ZNF536: variants seen among roughly 807,000 people sequenced by gnomAD.
The protein encoded by ZNF536 is zinc finger protein 536.
In ZNF536, 13 loss-of-function variants were observed where a neutral mutation model predicts 84.5. That is an observed-to-expected ratio of 0.15 (90% CI 0.10 to 0.24). The LOEUF is 0.24. Among genes scored for constraint, ZNF536 ranks in the 10% least tolerant of loss-of-function variants. ZNF536 has a pLI of 1.00. For missense variants in ZNF536, 1,536 were observed against 1,747.5 expected (o/e 0.88, Z 2.16); for synonymous variants, 811 against 742.5 (o/e 1.09, Z -1.50).
chr19:30,447,401 A>T (rs1445009582), intron 2 of ZNF536, among the ~76,000 whole-genome samples: 1 of 152,256 alleles, frequency 6.6e-6, no homozygotes, highest in Non-Finnish European at 1.5e-5. Flanking sequence ...TTGTTAAGAC[A>T]CATAAATCTG....
intron 1 of ZNF536, among the ~76,000 whole-genome samples, chr19:30,265,168 A>C (rs6510073): frequency 0.61 from 93,020 of 151,792 alleles, 30,551 homozygotes; most frequent in East Asian, 0.92. Context: ...TTATGTCCCT[A>C]GAAGACAGGG....
intron 2 of ZNF536, among the ~76,000 whole-genome samples, chr19:30,511,557 C>T (rs190912936): frequency 9.7e-4 from 147 of 152,208 alleles, no homozygotes; most frequent in African/African-American, 3.4e-3. Flanking sequence ...ATTGTGTCTG[C>T]GGCCATGGCA....
At chr19:30,692,551 A>T (rs1280085595) in intron 1 of ZNF536, among the ~76,000 whole-genome samples, 2 of 152,150 alleles carry the variant, frequency 1.3e-5, no homozygotes, top group Non-Finnish European at 2.9e-5. Flanking sequence ...GAAATCTCAA[A>T]TTTTCCTCTT....
chr19:30,441,925 G>A (rs2052068626), intron 1 of ZNF536, among the ~76,000 whole-genome samples: 1 of 152,302 alleles, frequency 6.6e-6, no homozygotes, highest in South Asian at 2.1e-4. Context: ...CCTGGCGGGA[G>A]GCCCAGCAAG....
rs546663746 is a variant in ZNF536 at position 30,272,498 on chromosome 19, G to T, written c.-189-11574G>T. On this transcript the variant is annotated intron_variant, in intron 1 of 5. Coordinates refer to the ZNF536 transcript ENST00000585628. ...GGACATTTTATGGGTTTTGACAACTGTATTATGACTTGTATCCATCATTAC... is the reference window on the plus strand; with the variant it reads ...GGACATTTTATGGGTTTTGACAACTTTATTATGACTTGTATCCATCATTAC... 1.3e-5 allele frequency among the ~76,000 whole-genome samples: 2 copies of T among 152,262 alleles called. 1 individual carries two copies. The highest frequency in any genetic ancestry group is 4.1e-4 in the South Asian group (2 of 4,830).
intron 2 of ZNF536, among the ~76,000 whole-genome samples, chr19:30,464,243 C>A (rs768753716): frequency 6.6e-6 from 1 of 152,090 alleles, no homozygotes; most frequent in Non-Finnish European, 1.5e-5. Context: ...AGGCCTGGGG[C>A]GATGGGGGTG....
chr19:30,304,658 T>G (rs940533050), intron 2 of ZNF536, among the ~76,000 whole-genome samples: 1 of 152,164 alleles, frequency 6.6e-6, no homozygotes, highest in Non-Finnish European at 1.5e-5. Flanking sequence ...TGAGGTGACC[T>G]GGTAGGGTCC....
chr19:30,355,338 A>G (rs2048058464), intron 3 of ZNF536, among the ~76,000 whole-genome samples: 1 of 152,072 alleles, frequency 6.6e-6, no homozygotes, highest in Non-Finnish European at 1.5e-5. Flanking sequence ...ACTCATCACC[A>G]ATGGGATGGT....
intron 1 of ZNF536, among the ~76,000 whole-genome samples, chr19:30,564,999 G>C (rs534367273): frequency 2.6e-5 from 4 of 152,084 alleles, no homozygotes; most frequent in African/African-American, 9.7e-5. Flanking sequence ...CTAGAGGGGC[G>C]GGTCCGTGCC....
chr19:30,670,066 C>T (rs1049765434), intron 1 of ZNF536, among the ~76,000 whole-genome samples: 1 of 152,180 alleles, frequency 6.6e-6, no homozygotes, highest in Non-Finnish European at 1.5e-5. Context: ...AGGGCGGGCC[C>T]GGGACTCACG....
chr19:30,244,540 CAT>C (rs1169652601), intron 1 of ZNF536, among the ~76,000 whole-genome samples: 1 of 152,238 alleles, frequency 6.6e-6, no homozygotes, highest in Non-Finnish European at 1.5e-5. Flanking sequence ...CCTGTGAACT[CAT>C]GTGCATTTTC....
At position 30,276,535 on chromosome 19, in the gene ZNF536, G is replaced by GT. The variant is rs567491235; in HGVS notation, c.-189-7529dup. On this transcript the variant is annotated intron_variant, in intron 1 of 5. Coordinates refer to the ZNF536 transcript ENST00000585628. ...TTTTTCACACATACTCAGCTTTTTA[G>GT]TTTTTTTTAAATTTTGATAAAATCC... 4.1e-4 allele frequency among the ~76,000 whole-genome samples: 62 copies of GT among 151,984 alleles called. 1 individual carries two copies. In the South Asian group the frequency reaches 9.1e-3, roughly 22 times the overall value.
chr19:30,606,375 C>T (rs2047892617), intron 1 of ZNF536, among the ~76,000 whole-genome samples: 1 of 152,024 alleles, frequency 6.6e-6, no homozygotes, highest in South Asian at 2.1e-4. Flanking sequence ...GGGACCTCCT[C>T]CTATTTTTAG....
chr19:30,589,242 A>T (rs146879044), intron 1 of ZNF536, among the ~76,000 whole-genome samples: 1 of 152,158 alleles, frequency 6.6e-6, no homozygotes, highest in Non-Finnish European at 1.5e-5. Flanking sequence ...CATGGTTTCC[A>T]TGGAAGAAAG....
At chr19:30,459,541 G>A (rs1174329312) in intron 2 of ZNF536, among the ~76,000 whole-genome samples, 1 of 152,004 alleles carries the variant, frequency 6.6e-6, no homozygotes, top group Non-Finnish European at 1.5e-5. Flanking sequence ...AGTAGAGACA[G>A]GGTTTCACCA....
chr19:30,251,769 T>G (rs187198684), intron 1 of ZNF536, among the ~76,000 whole-genome samples: 8 of 152,348 alleles, frequency 5.3e-5, no homozygotes, highest in Admixed American at 2.0e-4. Flanking sequence ...AGGTCCATTG[T>G]GCCATTCTTA....
intron 1 of ZNF536, among the ~76,000 whole-genome samples, chr19:30,413,020 C>T (rs995356452): frequency 6.6e-6 from 1 of 151,836 alleles, no homozygotes; most frequent in African/African-American, 2.4e-5. Flanking sequence ...TAAAGTTGTT[C>T]TGTATTTTAT....
chr19:30,609,468 T>C (rs944896245), intron 1 of ZNF536, among the ~76,000 whole-genome samples: 2 of 152,214 alleles, frequency 1.3e-5, no homozygotes, highest in Non-Finnish European at 1.5e-5. Flanking sequence ...CTTAACATCT[T>C]TGAAGTTCTG....
At chr19:30,499,631 C>A (rs1236562057) in intron 2 of ZNF536, among the ~76,000 whole-genome samples, 1 of 152,150 alleles carries the variant, frequency 6.6e-6, no homozygotes, top group African/African-American at 2.4e-5. Context: ...GACTTTGCAT[C>A]AAACGTATTT....
Sources: allele counts gnomAD v4.1 joint callset (sites outside exome capture counted in the v4.1 genomes callset), GRCh38; gene constraint gnomAD v4.1.1; transcripts MANE v1.5; gene names NCBI Gene and HGNC (gene_info 2026-07-23, HGNC 2026-07-21).